OR1J2: variants seen among roughly 807,000 people sequenced by gnomAD.
The protein encoded by OR1J2 is olfactory receptor 1J2.
For missense variants in OR1J2, 304 were observed against 246.1 expected, an observed-to-expected ratio of 1.24 and a Z score of -1.57; for synonymous variants, 142 against 99.7, an observed-to-expected ratio of 1.42 and a Z score of -2.52.
the OR1J2 span, among the ~76,000 whole-genome samples, chr9:122,497,291 T>G: frequency 1.3e-5 from 2 of 152,224 alleles, no homozygotes; most frequent in African/African-American, 2.4e-5. Context: ...CACGTGCTTC[T>G]CTGTCCATCA....
the OR1J2 span, among the ~76,000 whole-genome samples, chr9:122,448,612 C>T: frequency 6.6e-6 from 1 of 152,160 alleles, no homozygotes; most frequent in African/African-American, 2.4e-5. Flanking sequence ...CTTTCCTGGG[C>T]AGAGGTCCCT....
chr9:122,467,794 C>G, the OR1J2 span, among the ~76,000 whole-genome samples: 2 of 152,214 alleles, frequency 1.3e-5, no homozygotes, highest in African/African-American at 4.8e-5. Flanking sequence ...TTCAGGAACT[C>G]TCTCTGAGTT....
the OR1J2 span, among the ~76,000 whole-genome samples, chr9:122,540,907 G>A: frequency 6.6e-6 from 1 of 152,014 alleles, no homozygotes; most frequent in Non-Finnish European, 1.5e-5. Flanking sequence ...TCATGATTTG[G>A]CTCTCTGTTT....
At position 122,511,092 on chromosome 9, in the gene OR1J2, C is replaced by G; in HGVS notation, c.291C>G (p.Cys97Trp). 1 of 1,109,824 alleles carries G rather than the reference C, an allele frequency of 9.0e-7. No homozygotes were observed. The highest frequency in any genetic ancestry group is 1.3e-6 in the Non-Finnish European group (1 of 747,630). The allele number at this position is 1,109,824 out of a possible 1,614,324, so 68.7% of individuals were successfully genotyped here. ...ACAAATCGATCCTCTATGAGGAATG[C>G]ATTTCTCAGATGTATTTTTTTATAT... ...TKYKSILYEE[C>W]ISQMYFFIFF... Residue 97 changes from cysteine (C) to tryptophan (W), a missense_variant, in exon 1 of 1, where the codon TGC becomes TGG. Transcript: ENST00000335302.
chr9:122,467,721 C>A, the OR1J2 span, among the ~76,000 whole-genome samples: 2 of 152,152 alleles, frequency 1.3e-5, no homozygotes, highest in Non-Finnish European at 2.9e-5. Flanking sequence ...ATTCTCTGTA[C>A]CAGTCTTTGG....
At chr9:122,471,888 A>G in the OR1J2 span, among the ~76,000 whole-genome samples, 1 of 152,198 alleles carries the variant, frequency 6.6e-6, no homozygotes, top group East Asian at 1.9e-4. Flanking sequence ...GTTTGGGCCA[A>G]ATAAACAAAC....
At chr9:122,486,909 C>G in the OR1J2 span, among the ~76,000 whole-genome samples, 1 of 152,082 alleles carries the variant, frequency 6.6e-6, no homozygotes, top group Non-Finnish European at 1.5e-5. Context: ...TCTTAAAAGC[C>G]TTTGCATAGA....
chr9:122,512,256 C>A (rs913007520), downstream of OR1J2, among the ~76,000 whole-genome samples: 2 of 152,224 alleles, frequency 1.3e-5, no homozygotes, highest in Non-Finnish European at 2.9e-5. Flanking sequence ...AGATTCAGCA[C>A]TGACTGTCTT....
chr9:122,509,636 C>T (rs141265993), upstream of OR1J2, among the ~76,000 whole-genome samples: 1 of 152,080 alleles, frequency 6.6e-6, no homozygotes, highest in African/African-American at 2.4e-5. Context: ...ATGTGCCTTC[C>T]CACAAGGTTG....
At chr9:122,571,588 C>T in the OR1J2 span, among the ~76,000 whole-genome samples, 1 of 149,074 alleles carries the variant, frequency 6.7e-6, no homozygotes, top group Non-Finnish European at 1.5e-5. Flanking sequence ...TGGTGGGGCG[C>T]ACCTGTAGTC....
chr9:122,468,009 T>A, the OR1J2 span, among the ~76,000 whole-genome samples: 1 of 152,158 alleles, frequency 6.6e-6, no homozygotes, highest in Non-Finnish European at 1.5e-5. Context: ...GCCTCAGGGG[T>A]TTACTGAAAG....
chr9:122,473,941 A>G, the OR1J2 span, among the ~76,000 whole-genome samples: 1 of 152,196 alleles, frequency 6.6e-6, no homozygotes, highest in Non-Finnish European at 1.5e-5. Context: ...TTGATTATCT[A>G]TTAGCCGAGC....
chr9:122,507,076 G>A (rs1828533952), upstream of OR1J2, among the ~76,000 whole-genome samples: 2 of 152,154 alleles, frequency 1.3e-5, no homozygotes, highest in South Asian at 4.1e-4. Flanking sequence ...TGTTTACTCA[G>A]GACAACACAA....
At chr9:122,501,477 G>T in the OR1J2 span, among the ~76,000 whole-genome samples, 1 of 152,176 alleles carries the variant, frequency 6.6e-6, no homozygotes, top group South Asian at 2.1e-4. Flanking sequence ...TCAGGGAACA[G>T]TTCCTCTCCT....
the OR1J2 span, among the ~76,000 whole-genome samples, chr9:122,577,192 C>A: frequency 6.6e-6 from 1 of 151,954 alleles, no homozygotes; most frequent in Non-Finnish European, 1.5e-5. Flanking sequence ...TTTTTAACCT[C>A]TAAAGAAGCA....
the OR1J2 span, among the ~76,000 whole-genome samples, chr9:122,534,595 G>C: frequency 6.6e-6 from 1 of 152,160 alleles, no homozygotes; most frequent in Non-Finnish European, 1.5e-5. Context: ...AGGAGGGGAG[G>C]TGATAAAAGG....
chr9:122,508,699 T>G (rs1261301048), upstream of OR1J2, among the ~76,000 whole-genome samples: 1 of 152,172 alleles, frequency 6.6e-6, no homozygotes, highest in Non-Finnish European at 1.5e-5. Context: ...TGCATTCTGG[T>G]CCCTAGATAA....
chr9:122,575,927 A>C, the OR1J2 span, among the ~76,000 whole-genome samples: 2 of 152,076 alleles, frequency 1.3e-5, no homozygotes, highest in Non-Finnish European at 2.9e-5. Context: ...CTATTGTTTC[A>C]TTCTCTATCC....
chr9:122,499,706 G>A, the OR1J2 span, among the ~76,000 whole-genome samples: 1 of 152,244 alleles, frequency 6.6e-6, no homozygotes. Context: ...CCTGGCTGTG[G>A]AGAAGGGAAG....
Sources: gnomAD v4.1 joint callset for allele counts (sites outside exome capture counted in the v4.1 genomes callset) on GRCh38, gnomAD v4.1.1 for gene constraint, MANE v1.5 for transcripts, NCBI Gene and HGNC (gene_info 2026-07-23, HGNC 2026-07-21) for gene names.